Variants in GSE1 observed in about 807,000 individuals in gnomAD.
GSE1 encodes genetic suppressor element 1.
GSE1 carries 32 observed loss-of-function variants against 112.6 expected under a neutral mutation model. That is an observed-to-expected ratio of 0.28 (90% CI 0.21 to 0.38). The LOEUF is 0.38. Ranked by LOEUF, GSE1 falls within the 10% of genes least tolerant of loss-of-function variation. The probability of loss-of-function intolerance (pLI) is 1.00; values close to 1 mark genes in which losing one functional copy is unlikely to be tolerated. For synonymous variants in GSE1, 1,115 were observed against 735.6 expected (o/e 1.52, Z -8.35); for missense variants, 2,348 against 1,699.2 (o/e 1.38, Z -6.71).
At chr16:85,188,615 A>G (rs902826291) in intron 1 of GSE1, among the ~76,000 whole-genome samples, 5 of 151,960 alleles carry the variant, frequency 3.3e-5, no homozygotes, top group Admixed American at 2.6e-4. Flanking sequence ...TAGCCTGGGC[A>G]ACATAGCAAG....
chr16:85,493,320 C>T (rs918139480), intron 2 of GSE1, among the ~76,000 whole-genome samples: 1 of 152,002 alleles, frequency 6.6e-6, no homozygotes. Flanking sequence ...GGGTGGTGCA[C>T]ATCTGTAGTC....
chr16:85,200,425 A>G (rs1035716993), intron 1 of GSE1, among the ~76,000 whole-genome samples: 10 of 151,386 alleles, frequency 6.6e-5, no homozygotes, highest in Non-Finnish European at 1.5e-4. Flanking sequence ...TTGAAGAAAG[A>G]AGGAAGCTTT....
intron 2 of GSE1, among the ~76,000 whole-genome samples, chr16:85,459,862 G>T (rs553724462): frequency 6.6e-6 from 1 of 152,212 alleles, no homozygotes; most frequent in Non-Finnish European, 1.5e-5. Flanking sequence ...AGAGGGGGTT[G>T]CTGACGCCCA....
chr16:85,671,064 G>T lies in GSE1; in HGVS notation c.3485G>T (p.Ser1162Ile). The change falls in exon 15 of 16, where the codon AGC becomes ATC. Residue 1162 changes from serine (S) to isoleucine (I), a missense_variant. Physicochemically the swap from Ser to Ile is moderately radical, Grantham distance 142. Coordinates refer to ENST00000253458, the MANE Select transcript of GSE1 (RefSeq NM_014615.5). ...CTGGAGGCCCGGCACTACAGCCTCA[G>T]CCTGACGGCAGAGCAGCTCTCCCAC... Reference protein sequence around the residue: ...RRLEARHYSLSLTAEQLSHSV... With the variant: ...RRLEARHYSLILTAEQLSHSV... The T allele has an allele frequency of 6.2e-7, 1 of 1,611,174 alleles. No individual in the cohort carries two copies. The highest frequency in any genetic ancestry group is 8.5e-7 in the Non-Finnish European group (1 of 1,177,358).
intron 2 of GSE1, among the ~76,000 whole-genome samples, chr16:85,430,581 G>A (rs1257002178): frequency 6.6e-6 from 1 of 152,216 alleles, no homozygotes; most frequent in Non-Finnish European, 1.5e-5. Flanking sequence ...GAGCCACACA[G>A]CGGCGTTCAG....
chr16:85,240,507 G>C (rs1905085322), intron 1 of GSE1, among the ~76,000 whole-genome samples: 1 of 152,244 alleles, frequency 6.6e-6, no homozygotes, highest in African/African-American at 2.4e-5. Context: ...CCCTGTTGGG[G>C]TTCGCAGCCC....
At chr16:85,449,736 T>G (rs536664735) in intron 2 of GSE1, among the ~76,000 whole-genome samples, 1 of 152,218 alleles carries the variant, frequency 6.6e-6, no homozygotes, top group Admixed American at 6.5e-5. Flanking sequence ...GCCTGGGGTT[T>G]GGATCGCTGC....
At chr16:85,192,524 G>C (rs2074844511) in intron 1 of GSE1, among the ~76,000 whole-genome samples, 1 of 152,188 alleles carries the variant, frequency 6.6e-6, no homozygotes, top group Admixed American at 6.5e-5. Flanking sequence ...GTTGTTTCTA[G>C]CTTCACAGGT....
At chr16:85,633,724 T>C (rs2049743724) in intron 1 of GSE1, among the ~76,000 whole-genome samples, 190 bp from the exon 2 acceptor site, 2 of 152,174 alleles carry the variant, frequency 1.3e-5, no homozygotes, top group Non-Finnish European at 2.9e-5. Context: ...GGGTTCCAGC[T>C]GGACTCTGGG....
chr16:85,446,793 G>C (rs930000731), intron 2 of GSE1, among the ~76,000 whole-genome samples: 4 of 152,142 alleles, frequency 2.6e-5, no homozygotes, highest in Non-Finnish European at 5.9e-5. Context: ...GCGTTGGGCA[G>C]GTTGGCTCAT....
chr16:85,650,461 C>T (rs2051240288), intron 3 of GSE1, among the ~76,000 whole-genome samples: 1 of 152,230 alleles, frequency 6.6e-6, no homozygotes, highest in Non-Finnish European at 1.5e-5. Flanking sequence ...CACCCAGCCA[C>T]TGCCTTGACC....
chr16:85,307,844 C>T (rs1206156020), intron 1 of GSE1, among the ~76,000 whole-genome samples: 2 of 152,184 alleles, frequency 1.3e-5, no homozygotes, highest in Non-Finnish European at 2.9e-5. Context: ...AGGCGGGACT[C>T]TTCAAGGGCC....
chr16:85,295,782 T>C (rs77880300), intron 1 of GSE1, among the ~76,000 whole-genome samples: 1 of 151,896 alleles, frequency 6.6e-6, no homozygotes, highest in Non-Finnish European at 1.5e-5. Context: ...TTTTTTTTTT[T>C]TTTGTAGAGA....
At chr16:85,647,619 G>A (rs945995370) in intron 2 of GSE1, among the ~76,000 whole-genome samples, 1 of 152,102 alleles carries the variant, frequency 6.6e-6, no homozygotes, top group East Asian at 1.9e-4. Context: ...ACGAAGTCTC[G>A]CTCTGTCGCC....
In GSE1 at chr16:85,567,118, A is replaced by AAT. The variant is rs1567597251; in HGVS notation, c.37+10755_37+10756insAT. Among the ~76,000 whole-genome samples, 3 of 148,132 alleles carry AAT rather than the reference A, an allele frequency of 2.0e-5. No homozygotes were observed. The East Asian group carries it at 6.2e-4, about 30-fold the overall frequency. Reference sequence around the variant, plus strand: ...AAGTTTCACTCACAGGCGGATTTCAACCGCCTGTGCTGTCTTTATGACAGC... The same window carrying AAT: ...AAGTTTCACTCACAGGCGGATTTCAAATCCGCCTGTGCTGTCTTTATGACAGC... On this transcript the variant is annotated intron_variant, in intron 1 of 2. Coordinates refer to the GSE1 transcript ENST00000635906.
At chr16:85,410,101 C>T (rs1191169992) in intron 2 of GSE1, among the ~76,000 whole-genome samples, 1 of 60,410 alleles carries the variant, frequency 1.7e-5, no homozygotes, top group Non-Finnish European at 2.9e-5. Context: ...TACTCTCAGG[C>T]CCCCCGGATA....
At chr16:85,297,502 T>G (rs76972057) in intron 1 of GSE1, among the ~76,000 whole-genome samples, 1 of 150,404 alleles carries the variant, frequency 6.6e-6, no homozygotes, top group Admixed American at 6.6e-5. Context: ...GTGTTTTTTT[T>G]GTTTTGTTTT....
intron 1 of GSE1, among the ~76,000 whole-genome samples, chr16:85,231,320 TAGAA>T (rs1043984367): frequency 1.4e-5 from 2 of 146,566 alleles, no homozygotes; most frequent in Admixed American, 6.8e-5. Flanking sequence ...GAAGGACAGA[TAGAA>T]GGACAGATGG....
At chr16:85,647,875 G>A (rs1306805859) in intron 2 of GSE1, among the ~76,000 whole-genome samples, 2 of 152,134 alleles carry the variant, frequency 1.3e-5, no homozygotes, top group Non-Finnish European at 2.9e-5. Context: ...GGGAGCCACC[G>A]CGCCCGGCCA....
Sources: allele counts gnomAD v4.1 joint callset (sites outside exome capture counted in the v4.1 genomes callset), GRCh38; gene constraint gnomAD v4.1.1; transcripts MANE v1.5; gene names NCBI Gene and HGNC (gene_info 2026-07-23, HGNC 2026-07-21).